The following HGF variants were observed in gnomAD, a reference collection of about 807,000 sequenced individuals.
The protein encoded by HGF is fibroblast-derived tumor cytotoxic factor.
Under a neutral mutation model 111.6 loss-of-function variants are expected in HGF, and 39 were observed. The ratio of observed to expected loss-of-function variants is 0.35; its 90% CI spans 0.27 to 0.46. The LOEUF is 0.46. Ranked by LOEUF, HGF falls within the 20% of genes least tolerant of loss-of-function variation. HGF has a pLI of 1.00. For synonymous variants in HGF, 285 were observed against 294.8 expected (o/e 0.97, Z 0.34); for missense variants, 735 against 910.5 (o/e 0.81, Z 2.48).
At chr7:81,726,167 T>C in intron 8 of HGF, 150 bp from the exon 9 acceptor site, 1 of 767,164 alleles carries the variant, frequency 1.3e-6, no homozygotes, top group African/African-American at 1.7e-5. Context: ...CAATTTAATA[T>C]TCAGTATACA....
chr7:81,721,129 C>T lies in HGF; in HGVS notation c.1169-282G>A, dbSNP rs10243754. 1 allele frequency among the ~76,000 whole-genome samples: 152,005 copies of T among 152,184 alleles called. 75,913 individuals are homozygous for T. The highest frequency in any genetic ancestry group is 1 in the Middle Eastern group (292 of 292). ...AGGCGTGGTGGTGGGCGCCTGTAGTCCCAGCTACTCGAGAGGCTGAAGCAG... is the reference window on the plus strand; with the variant it reads ...AGGCGTGGTGGTGGGCGCCTGTAGTTCCAGCTACTCGAGAGGCTGAAGCAG... On this transcript the variant is annotated intron_variant, in intron 9 of 17. Coordinates refer to ENST00000222390, the MANE Select transcript of HGF (RefSeq NM_000601.6).
chr7:81,751,704 T>C, intron 5 of HGF: 1 of 1,038,556 alleles, frequency 9.6e-7, no homozygotes, highest in Non-Finnish European at 1.2e-6. Flanking sequence ...CACCACTTCA[T>C]GATAGTTTGG....
In HGF at chr7:81,770,008, AGATGCCTG is replaced by A; in HGVS notation, c.-45_-38del. ...ACGGGCTGGCGGATCCCTCTGGAGGAGATGCCTGGGTGAAAGAATCCTGTTCGGAGTCA... is the reference window on the plus strand; with the variant it reads ...ACGGGCTGGCGGATCCCTCTGGAGGAGGTGAAAGAATCCTGTTCGGAGTCA... On this transcript the variant is annotated 5_prime_UTR_variant, in exon 1 of 18. Transcript: ENST00000222390. The A allele has an allele frequency of 6.8e-7, 1 of 1,471,694 alleles. No individual in the cohort carries two copies. The highest frequency in any genetic ancestry group is 9.3e-7 in the Non-Finnish European group (1 of 1,076,874). The allele number at this position is 1,471,694 out of a possible 1,614,324, so 91.2% of individuals were successfully genotyped here.
intron 13 of HGF, among the ~76,000 whole-genome samples, chr7:81,708,078 G>A (rs766026160): frequency 2.2e-4 from 33 of 152,056 alleles, no homozygotes; most frequent in South Asian, 6.2e-4. Context: ...CATGGAAAAA[G>A]CACAACTTTT....
intron 7 of HGF, among the ~76,000 whole-genome samples, chr7:81,739,214 C>T (rs1787928345): frequency 6.6e-6 from 1 of 152,064 alleles, no homozygotes; most frequent in Admixed American, 6.6e-5. Flanking sequence ...TACATTCCCC[C>T]TTTTGATATT....
intron 5 of HGF, chr7:81,751,580 G>A: frequency 2.0e-6 from 2 of 994,596 alleles, no homozygotes; most frequent in Non-Finnish European, 2.4e-6. Context: ...CTCAGTTCCA[G>A]CCTACGTGTC....
chr7:81,756,697 C>T (rs992481023), intron 4 of HGF: 1 of 161,256 alleles, frequency 6.2e-6, no homozygotes, highest in African/African-American at 2.4e-5. Context: ...GCCCTATTCT[C>T]CCCAGAGATT....
intron 7 of HGF, among the ~76,000 whole-genome samples, chr7:81,741,613 GTA>G (rs1160364775): frequency 2.7e-5 from 4 of 150,464 alleles, no homozygotes; most frequent in African/African-American, 9.8e-5. Context: ...GTGTGTGTGT[GTA>G]TAGGTTTTAT....
Position 81,702,319 on chromosome 7 carries a change from G to GT in HGF, c.*261dup, listed in dbSNP as rs1187515087. The GT allele has an allele frequency of 4.8e-5, 18 of 376,848 alleles. No individual in the cohort carries two copies. The East Asian group carries it at 7.0e-4, about 15-fold the overall frequency. 23.3% of individuals were successfully genotyped at this position (376,848 alleles called of 1,614,324 possible). A position where few individuals can be genotyped will look rare whatever the true frequency, so the allele number is the denominator to read the frequency against. ...TATCATCCAGCAAATATACCTGTGT[G>GT]TTTTTTTAATCCATTCAAGTATCTT... On this transcript the variant is annotated 3_prime_UTR_variant, in exon 18 of 18. Coordinates refer to ENST00000222390, the MANE Select transcript of HGF (RefSeq NM_000601.6).
At chr7:81,765,006 A>G (rs1342883091) in intron 1 of HGF, among the ~76,000 whole-genome samples, 1 of 152,106 alleles carries the variant, frequency 6.6e-6, no homozygotes, top group Non-Finnish European at 1.5e-5. Flanking sequence ...AAAATAGAAG[A>G]GTTTTATACA....
intron 12 of HGF, 102 bp downstream of exon 12, chr7:81,711,379 A>G: frequency 1.8e-6 from 1 of 560,988 alleles, no homozygotes. Flanking sequence ...TTCTTTTTAT[A>G]ATGGAAGCTA....
intron 17 of HGF, among the ~76,000 whole-genome samples, chr7:81,704,649 T>C (rs1789373975): frequency 6.6e-6 from 1 of 151,832 alleles, no homozygotes; most frequent in Non-Finnish European, 1.5e-5. Flanking sequence ...ACTTACAGCA[T>C]GCATTTTCCT....
intron 8 of HGF, among the ~76,000 whole-genome samples, chr7:81,726,395 G>C (rs1790011902): frequency 6.6e-6 from 1 of 152,064 alleles, no homozygotes; most frequent in Non-Finnish European, 1.5e-5. Flanking sequence ...CCCACATATT[G>C]TGTAGAAACA....
intron 11 of HGF, among the ~76,000 whole-genome samples, chr7:81,714,465 A>T (rs565563617): frequency 6.6e-6 from 1 of 152,148 alleles, no homozygotes; most frequent in African/African-American, 2.4e-5. Flanking sequence ...TGCAAATACA[A>T]ATATGAGTCC....
At chr7:81,753,788 C>T (rs1184460694) in intron 4 of HGF, among the ~76,000 whole-genome samples, 4 of 151,974 alleles carry the variant, frequency 2.6e-5, no homozygotes, top group African/African-American at 9.7e-5. Context: ...TAGCATTCCT[C>T]ATATGGGGAA....
At chr7:81,766,888 G>A (rs1038563264) in intron 1 of HGF, among the ~76,000 whole-genome samples, 1 of 152,128 alleles carries the variant, frequency 6.6e-6, no homozygotes, top group African/African-American at 2.4e-5. Context: ...AAGACCACAT[G>A]GTTGAGCATG....
Position 81,705,508 on chromosome 7 carries a change from A to G in HGF, c.1892T>C (p.Val631Ala). The G allele has an allele frequency of 6.2e-7, 1 of 1,612,602 alleles. No individual in the cohort carries two copies. The highest frequency in any genetic ancestry group is 1.7e-5 in the Admixed American group (1 of 59,786). The change falls in exon 17 of 18, where the codon GTG becomes GCG. Residue 631 changes from valine to alanine, a missense_variant. Physicochemically the swap from Val to Ala is moderately conservative, Grantham distance 64. Coordinates refer to ENST00000222390, the MANE Select transcript of HGF (RefSeq NM_000601.6). Reference protein sequence around the residue: ...GLINYDGLLRVAHLYIMGNEK... With the variant: ...GLINYDGLLRAAHLYIMGNEK... ...ATTTCCCATTATATAGAGATGTGCC[A>G]CTCGTAATAGGCCATCATAGTTGAT...
intron 4 of HGF, chr7:81,756,946 A>G (rs756375373): frequency 3.6e-4 from 193 of 534,266 alleles, no homozygotes; most frequent in Non-Finnish European, 3.8e-4. Context: ...ATTATTTCAC[A>G]AATACCGAGA....
At chr7:81,704,364 C>T (rs1397994191) in intron 17 of HGF, among the ~76,000 whole-genome samples, 1 of 151,412 alleles carries the variant, frequency 6.6e-6, no homozygotes, top group Non-Finnish European at 1.5e-5. Flanking sequence ...CTGTGTTTCC[C>T]GGATGCTTAT....
Sources: allele counts gnomAD v4.1 joint callset (sites outside exome capture counted in the v4.1 genomes callset), GRCh38; gene constraint gnomAD v4.1.1; transcripts MANE v1.5; gene names NCBI Gene and HGNC (gene_info 2026-07-23, HGNC 2026-07-21).